TMC2: variants seen among roughly 807,000 people sequenced by gnomAD.
TMC2 encodes the protein transmembrane channel-like protein 2.
Under a neutral mutation model 105.9 loss-of-function variants are expected in TMC2, and 102 were observed. That is an observed-to-expected ratio of 0.96 (90% CI 0.82 to 1.14). The LOEUF (loss-of-function observed/expected upper bound fraction) is 1.14, where lower values mean the gene tolerates loss of function less well. Ranked by LOEUF, TMC2 falls within the 50% of genes most tolerant of loss-of-function variation. The pLI is 0.00. For synonymous variants in TMC2, 402 were observed against 422.8 expected, an observed-to-expected ratio of 0.95 and a Z score of 0.60; for missense variants, 1,093 against 1,134.3, an observed-to-expected ratio of 0.96 and a Z score of 0.52.
At chr20:2,547,171 C>G (rs1231492257) in intron 2 of TMC2, among the ~76,000 whole-genome samples, 1 of 152,140 alleles carries the variant, frequency 6.6e-6, no homozygotes, top group Non-Finnish European at 1.5e-5. Flanking sequence ...TAAACATCTA[C>G]ATTTTAATAA....
intron 4 of TMC2, among the ~76,000 whole-genome samples, chr20:2,562,895 G>A (rs1397869448): frequency 1.3e-5 from 2 of 151,884 alleles, no homozygotes; most frequent in African/African-American, 2.4e-5. Flanking sequence ...GTAGTGAGCC[G>A]AGATCATGCC....
Position 2,610,579 on chromosome 20 carries a change from T to C in TMC2, c.1574T>C (p.Met525Thr). 2 of 1,603,276 alleles carry C rather than the reference T, an allele frequency of 1.2e-6. No homozygotes were observed. The highest frequency in any genetic ancestry group is 1.7e-6 in the Non-Finnish European group (2 of 1,174,044). The change falls in exon 12 of 20, where the codon ATG becomes ACG. Residue 525 changes from methionine to threonine, a missense_variant. Met to Thr is a moderately conservative substitution (Grantham distance 81). Transcript: ENST00000358864. ...CTCTACACATTTCTCTTGGCCCTGA[T>C]GGATGACGTCCACCTCAAGGTAAAA... is the stretch of plus-strand genomic sequence containing the variant. ...GNLYTFLLAL[M>T]DDVHLKLANE...
intron 7 of TMC2, among the ~76,000 whole-genome samples, chr20:2,591,393 A>G (rs6115082): frequency 0.26 from 39,053 of 152,052 alleles, 6,033 homozygotes; most frequent in African/African-American, 0.43. Context: ...GGGTTTTGGC[A>G]CTGATAGGTA....
At chr20:2,545,183 G>C (rs2085915138) in intron 2 of TMC2, among the ~76,000 whole-genome samples, 1 of 152,062 alleles carries the variant, frequency 6.6e-6, no homozygotes, top group Admixed American at 6.5e-5. Flanking sequence ...CTTCACTCTG[G>C]GTGGTAGAGC....
intron 2 of TMC2, among the ~76,000 whole-genome samples, chr20:2,538,878 C>T (rs1011580989): frequency 6.6e-6 from 1 of 152,176 alleles, no homozygotes; most frequent in Non-Finnish European, 1.5e-5. Flanking sequence ...TCACCTGCGA[C>T]GGGACCTGAT....
chr20:2,595,379 A>G (rs1010281666), intron 9 of TMC2, among the ~76,000 whole-genome samples: 17 of 152,150 alleles, frequency 1.1e-4, no homozygotes, highest in Admixed American at 2.6e-4. Context: ...TTTTGTCCAG[A>G]GCTCAGCTTC....
chr20:2,638,812 G>A (rs1279874558), intron 19 of TMC2, among the ~76,000 whole-genome samples: 1 of 152,140 alleles, frequency 6.6e-6, no homozygotes, highest in African/African-American at 2.4e-5. Flanking sequence ...GGTGGTCAGT[G>A]TATTTGTGTT....
chr20:2,613,658 G>T (rs951589716), intron 14 of TMC2: 2 of 335,440 alleles, frequency 6.0e-6, no homozygotes, highest in African/African-American at 4.3e-5. Context: ...CATTATGGGG[G>T]CTGAAATCTG....
chr20:2,557,458 CA>C (rs1475213080), intron 2 of TMC2, among the ~76,000 whole-genome samples: 1 of 152,114 alleles, frequency 6.6e-6, no homozygotes, highest in Non-Finnish European at 1.5e-5. Flanking sequence ...TCTTTGATTA[CA>C]TTACTCATCT....
At chr20:2,631,116 G>T (rs2086599969) in intron 17 of TMC2, among the ~76,000 whole-genome samples, 2 of 123,386 alleles carry the variant, frequency 1.6e-5, no homozygotes, top group Admixed American at 9.4e-5. Context: ...CTCAGTGATT[G>T]CCCTGGAGAT....
chr20:2,560,557 G>A (rs529662354), intron 3 of TMC2, among the ~76,000 whole-genome samples: 1 of 152,306 alleles, frequency 6.6e-6, no homozygotes, highest in East Asian at 1.9e-4. Context: ...GGAGTCAGAG[G>A]CCGGGCGTGG....
chr20:2,576,363 TCCCA>T (rs2086144415), intron 5 of TMC2, among the ~76,000 whole-genome samples: 1 of 152,168 alleles, frequency 6.6e-6, no homozygotes, highest in Non-Finnish European at 1.5e-5. Flanking sequence ...CCAGAGCATC[TCCCA>T]GGCCTCTCTC....
intron 7 of TMC2, among the ~76,000 whole-genome samples, chr20:2,588,020 C>T (rs181719355): frequency 9.2e-5 from 14 of 151,738 alleles, no homozygotes; most frequent in Non-Finnish European, 2.1e-4. Flanking sequence ...AATCCCCCCC[C>T]CCTTTGAGTA....
rs900829243 is a variant in TMC2, at chr20:2,558,209, G to A, written c.83-247G>A. On this transcript the variant is annotated intron_variant, in intron 2 of 19. Coordinates refer to ENST00000358864, the MANE Select transcript of TMC2 (RefSeq NM_080751.3). The surrounding 1 kb of genome is among the most constrained non-coding windows in gnomAD (Gnocchi z 4.6). ...TAGGGCAGGACACCTGTCACAGGAG[G>A]TCTTCAAGGGAGACGGGAGGGAGAA... 1 of 827,882 alleles carries A rather than the reference G, an allele frequency of 1.2e-6. No homozygotes were observed. The highest frequency in any genetic ancestry group is 1.8e-6 in the Non-Finnish European group (1 of 561,286). The allele number at this position is 827,882 out of a possible 1,614,324, so 51.3% of individuals were successfully genotyped here. A position where few individuals can be genotyped will look rare whatever the true frequency, so the allele number is the denominator to read the frequency against.
At chr20:2,637,849 T>A (rs2086659777) in intron 19 of TMC2, among the ~76,000 whole-genome samples, 1 of 152,220 alleles carries the variant, frequency 6.6e-6, no homozygotes, top group Non-Finnish European at 1.5e-5. Context: ...GAATACCAGC[T>A]GGCAGTAGTG....
chr20:2,581,895 A>G (rs951718406), intron 7 of TMC2, among the ~76,000 whole-genome samples: 1 of 152,240 alleles, frequency 6.6e-6, no homozygotes, highest in Non-Finnish European at 1.5e-5. Flanking sequence ...TGAAGCAGCC[A>G]AGATCTGAAC....
chr20:2,612,122 C>T (rs565344291), intron 12 of TMC2, 69 bp from the exon 13 acceptor site: 15 of 1,457,058 alleles, frequency 1.0e-5, no homozygotes, highest in Non-Finnish European at 1.4e-5. Flanking sequence ...CTGGCTTTCA[C>T]TGTTCTTATG....
In TMC2 at chr20:2,612,235, G is replaced by A. The variant is rs2086445679; in HGVS notation, c.1638G>A (p.Leu546=). Residue 546 remains leucine (L), a synonymous_variant, in exon 13 of 20, where the codon CTG becomes CTA. Transcript: ENST00000358864. ...ETIKNITHWT[L]FNYYNSSGWN... Reference sequence around the variant, plus strand: ...TAAAGAACATCACTCACTGGACTCTGTTTAACTATTACAACTCTTCTGGTT... The same window carrying A: ...TAAAGAACATCACTCACTGGACTCTATTTAACTATTACAACTCTTCTGGTT... 1.2e-6 allele frequency: 2 copies of A among 1,612,094 alleles called. No homozygotes were observed. The highest frequency in any genetic ancestry group is 1.3e-5 in the African/African-American group (1 of 74,900).
At chr20:2,613,730 C>T in intron 14 of TMC2, 1 of 287,572 alleles carries the variant, frequency 3.5e-6, no homozygotes, top group Non-Finnish European at 6.8e-6. Context: ...AACCATTGGT[C>T]CTGTCTTCTG....
Sources: allele counts gnomAD v4.1 joint callset (sites outside exome capture counted in the v4.1 genomes callset), GRCh38; gene constraint gnomAD v4.1.1; non-coding constraint Gnocchi (gnomAD v3.1); transcripts MANE v1.5; gene names NCBI Gene and HGNC (gene_info 2026-07-23, HGNC 2026-07-21).